TMEM266: variants seen among roughly 807,000 people sequenced by gnomAD.
TMEM266 encodes the protein transmembrane protein 266.
In TMEM266, 33 loss-of-function variants were observed where a neutral mutation model predicts 50.5. The ratio of observed to expected loss-of-function variants is 0.65; its 90% CI spans 0.50 to 0.87. The LOEUF (loss-of-function observed/expected upper bound fraction) is 0.87, where lower values mean the gene tolerates loss of function less well. Among genes scored for constraint, TMEM266 ranks in the 40% least tolerant of loss-of-function variants. TMEM266 has a pLI of 0.00. For missense variants in TMEM266, 655 were observed against 695.1 expected (o/e 0.94, Z 0.65); for synonymous variants, 310 against 292.3 (o/e 1.06, Z -0.62).
At chr15:76,062,673 C>T (rs978554234) in intron 1 of TMEM266, among the ~76,000 whole-genome samples, 3 of 152,152 alleles carry the variant, frequency 2.0e-5, no homozygotes, top group Non-Finnish European at 4.4e-5. Flanking sequence ...GTTTGAGAAA[C>T]GGACTAGTCT....
At chr15:76,148,772 G>A (rs1048513615) in intron 3 of TMEM266, among the ~76,000 whole-genome samples, 1 of 119,962 alleles carries the variant, frequency 8.3e-6, no homozygotes, top group Non-Finnish European at 1.6e-5. Flanking sequence ...GTTTCCCAGC[G>A]TTGACATTTC....
At chr15:76,086,518 C>T (rs2036779257) in intron 1 of TMEM266, among the ~76,000 whole-genome samples, 1 of 152,164 alleles carries the variant, frequency 6.6e-6, no homozygotes, top group Non-Finnish European at 1.5e-5. Flanking sequence ...AATGAAGCAA[C>T]AAAAGCAGAG....
intron 1 of TMEM266, among the ~76,000 whole-genome samples, chr15:76,102,996 G>C (rs1048771375): frequency 6.6e-6 from 1 of 152,050 alleles, no homozygotes; most frequent in Non-Finnish European, 1.5e-5. Context: ...CATGGGAGGT[G>C]GTAAACGGGG....
chr15:76,135,289 A>C (rs996595468), intron 2 of TMEM266, among the ~76,000 whole-genome samples: 1 of 152,076 alleles, frequency 6.6e-6, no homozygotes, highest in Admixed American at 6.5e-5. Flanking sequence ...GTGTAGGCTA[A>C]ATATAGCCTA....
At position 76,204,216 on chromosome 15, in the gene TMEM266, G is replaced by C. The variant is rs776679000; in HGVS notation, c.1497G>C (p.Arg499Ser). 8 of 1,613,980 alleles carry C rather than the reference G, an allele frequency of 5.0e-6. No individual in the cohort carries two copies. Among genetic ancestry groups the C allele is most frequent in the Admixed American group, 1.7e-5 (1 of 60,032 alleles). Reference sequence around the variant, plus strand: ...AGGGCTTCACTGTCTTTCAGATCAGGCCTGTCATCCACTTCCAGCCCACTG... The same window carrying C: ...AGGGCTTCACTGTCTTTCAGATCAGCCCTGTCATCCACTTCCAGCCCACTG... The change falls in exon 11 of 11, where the codon AGG becomes AGC. Residue 499 changes from arginine to serine, a missense_variant. Physicochemically the swap from Arg to Ser is moderately radical, Grantham distance 110 (BLOSUM62 -1). Coordinates refer to ENST00000388942, the MANE Select transcript of TMEM266 (RefSeq NM_152335.3).
At chr15:76,066,984 C>T (rs868384593) in intron 1 of TMEM266, among the ~76,000 whole-genome samples, 29 of 152,242 alleles carry the variant, frequency 1.9e-4, no homozygotes, top group African/African-American at 6.7e-4. Flanking sequence ...GCGATTACCC[C>T]CCGTCCCCAG....
Position 76,156,599 on chromosome 15 carries a change from C to A in TMEM266, c.228-5C>A, listed in dbSNP as rs762431022. The A allele has an allele frequency of 6.2e-7, 1 of 1,613,482 alleles. No individual in the cohort carries two copies. Among genetic ancestry groups the A allele is most frequent in the Non-Finnish European group, 8.5e-7 (1 of 1,179,916 alleles). ...CCTCTCTTCTCCCCACTTTTGTCCC[C>A]ACAGGTCTAACTGGCTGAAGCCGTG... On this transcript the variant is annotated splice_region_variant and splice_polypyrimidine_tract_variant and intron_variant, in intron 3 of 10. Transcript: ENST00000388942.
chr15:76,169,682 G>C, intron 5 of TMEM266, 134 bp from the exon 6 acceptor site: 2 of 1,009,976 alleles, frequency 2.0e-6, no homozygotes, highest in South Asian at 2.9e-5. Context: ...CAGGGGCCAA[G>C]GAATGCTTAG....
intron 7 of TMEM266, among the ~76,000 whole-genome samples, chr15:76,171,931 G>A (rs1375837440): frequency 6.6e-6 from 1 of 152,174 alleles, no homozygotes; most frequent in East Asian, 1.9e-4. Context: ...GGGGTGGGGG[G>A]TGACCCAGAG....
chr15:76,068,988 G>A (rs566293294), intron 1 of TMEM266, among the ~76,000 whole-genome samples: 17 of 152,152 alleles, frequency 1.1e-4, no homozygotes, highest in African/African-American at 3.9e-4. Context: ...ACTTTCTCCC[G>A]TCATATGGTC....
chr15:76,130,173 G>A (rs557597310), intron 1 of TMEM266, among the ~76,000 whole-genome samples: 194 of 123,958 alleles, frequency 1.6e-3, no homozygotes, highest in African/African-American at 5.6e-3. Flanking sequence ...GTGAGTTTCC[G>A]TTGTATCACT....
rs763656242 is a variant in TMEM266, at chr15:76,087,769, G to C, written c.-97+27753G>C. On this transcript the variant is annotated intron_variant, in intron 1 of 10. Transcript: ENST00000388942. ...AAAATGTCACATCATAGAAGCCAAA[G>C]AAGGGAAAAGTGATTAAACAAATGT... is the stretch of plus-strand genomic sequence containing the variant. Among the ~76,000 whole-genome samples, 7 of 152,140 alleles carry C rather than the reference G, an allele frequency of 4.6e-5. 1 individual carries two copies. The South Asian group carries it at 1.5e-3, about 32-fold the overall frequency.
rs115790428 is a variant in TMEM266 at position 76,172,353 on chromosome 15, C to T, written c.652+1222C>T. Among the ~76,000 whole-genome samples, 542 of 152,316 alleles carry T rather than the reference C, an allele frequency of 3.6e-3. 2 individuals are homozygous for T. The highest frequency in any genetic ancestry group is 0.012 in the African/African-American group (518 of 41,578). Reference sequence around the variant, plus strand: ...AGAAACTGCCAGGCCTTCTGGAGCACGGTTTTAAAACCACTGGGATAGATG... The same window carrying T: ...AGAAACTGCCAGGCCTTCTGGAGCATGGTTTTAAAACCACTGGGATAGATG... On this transcript the variant is annotated intron_variant, in intron 7 of 10. Coordinates refer to ENST00000388942, the MANE Select transcript of TMEM266 (RefSeq NM_152335.3).
At chr15:76,172,927 C>G (rs2038207827) in intron 7 of TMEM266, among the ~76,000 whole-genome samples, 1 of 151,932 alleles carries the variant, frequency 6.6e-6, no homozygotes. Context: ...GCCGCACACC[C>G]TCACACTAAT....
intron 9 of TMEM266, among the ~76,000 whole-genome samples, chr15:76,201,045 G>C (rs1346983355): frequency 6.6e-6 from 1 of 152,088 alleles, no homozygotes; most frequent in Non-Finnish European, 1.5e-5. Flanking sequence ...GAAGCTCCTG[G>C]GGGTGCAGAC....
At chr15:76,191,643 C>T in intron 8 of TMEM266, 1 of 270,740 alleles carries the variant, frequency 3.7e-6, no homozygotes, top group Non-Finnish European at 7.0e-6. Flanking sequence ...ACTGAATTTG[C>T]ACCCAGGGCT....
intron 1 of TMEM266, among the ~76,000 whole-genome samples, chr15:76,075,193 G>A (rs1035608397): frequency 6.6e-6 from 1 of 152,096 alleles, no homozygotes; most frequent in Non-Finnish European, 1.5e-5. Flanking sequence ...GTATGTGGAT[G>A]ACATTTTGAG....
chr15:76,155,519 C>T (rs142430369), intron 3 of TMEM266, among the ~76,000 whole-genome samples: 1 of 152,134 alleles, frequency 6.6e-6, no homozygotes, highest in Non-Finnish European at 1.5e-5. Flanking sequence ...CCTGAGAGTC[C>T]GTGGAACTCT....
chr15:76,095,325 G>A (rs1047566551), intron 1 of TMEM266, among the ~76,000 whole-genome samples: 1 of 151,980 alleles, frequency 6.6e-6, no homozygotes, highest in Non-Finnish European at 1.5e-5. Flanking sequence ...TAGCATGAAG[G>A]GCTGTTGAAT....
Sources: allele counts gnomAD v4.1 joint callset (sites outside exome capture counted in the v4.1 genomes callset), GRCh38; gene constraint gnomAD v4.1.1; transcripts MANE v1.5; gene names NCBI Gene and HGNC (gene_info 2026-07-23, HGNC 2026-07-21).